PARD3B: variants seen among roughly 807,000 people sequenced by gnomAD.
PARD3B encodes partitioning defective 3 homolog B.
In PARD3B, 103 loss-of-function variants were observed where a neutral mutation model predicts 130.2. The ratio of observed to expected loss-of-function variants is 0.79; its 90% confidence interval spans 0.67 to 0.93. The LOEUF (loss-of-function observed/expected upper bound fraction) is 0.93, where lower values mean the gene tolerates loss of function less well. PARD3B is among the 40% of genes least tolerant of loss of function. The pLI is 0.00. For synonymous variants in PARD3B, 583 were observed against 553.2 expected, an observed-to-expected ratio of 1.05 and a Z score of -0.76; for missense variants, 1,609 against 1,499.2, an observed-to-expected ratio of 1.07 and a Z score of -1.21.
At chr2:205,552,359 C>CTTGT (rs1240963842) in intron 21 of PARD3B, among the ~76,000 whole-genome samples, 1 of 152,010 alleles carries the variant, frequency 6.6e-6, no homozygotes, top group East Asian at 1.9e-4. Context: ...GTCAGCAACC[C>CTTGT]TTGTTAGTAA....
intron 2 of PARD3B, among the ~76,000 whole-genome samples, chr2:204,795,300 A>G (rs2042331803): frequency 1.3e-5 from 2 of 152,308 alleles, no homozygotes; most frequent in South Asian, 4.1e-4. Context: ...TAGTGATTGG[A>G]GACATTCCTT....
chr2:205,071,353 C>G (rs1415036963), intron 4 of PARD3B, among the ~76,000 whole-genome samples: 1 of 152,172 alleles, frequency 6.6e-6, no homozygotes, highest in African/African-American at 2.4e-5. Context: ...AGAGAATGGT[C>G]CTAGAAACCA....
At chr2:204,748,675 A>AGT (rs1446598762) in intron 2 of PARD3B, among the ~76,000 whole-genome samples, 1 of 152,104 alleles carries the variant, frequency 6.6e-6, no homozygotes, top group Non-Finnish European at 1.5e-5. Flanking sequence ...GTGGGTGTGG[A>AGT]GTAGGGTATG....
Position 205,440,472 on chromosome 2 carries a change from A to C in PARD3B, c.2844A>C (p.Glu948Asp), listed in dbSNP as rs376842250. ...IGSVYDMDDD[E>D]MDPNYARVNH... ...CAGTGTATGATATGGATGATGATGA[A>C]ATGGACCCCAATTATGCCAGAGTGA... Residue 948 changes from glutamate (E) to aspartate (D), a missense_variant, in exon 20 of 23, where the codon GAA becomes GAC. By Grantham distance (45) the Glu-to-Asp change is conservative. Transcript: ENST00000406610. The surrounding 1 kb of genome is among the most constrained non-coding windows in gnomAD (Gnocchi z 4.2). 1.1e-4 allele frequency: 174 copies of C among 1,614,092 alleles called. 1 individual carries two copies. In the Middle Eastern group the frequency reaches 1.5e-3, roughly 14 times the overall value.
intron 2 of PARD3B, among the ~76,000 whole-genome samples, chr2:204,748,531 G>T (rs2040336989): frequency 6.6e-6 from 1 of 152,014 alleles, no homozygotes; most frequent in African/African-American, 2.4e-5. Flanking sequence ...TATGTCTTTT[G>T]ACTAGACATG....
intron 2 of PARD3B, among the ~76,000 whole-genome samples, chr2:204,716,871 G>A (rs1184753321): frequency 6.6e-6 from 1 of 152,006 alleles, no homozygotes; most frequent in Non-Finnish European, 1.5e-5. Flanking sequence ...ATCTGCCTGC[G>A]TCGGCCTCCC....
intron 21 of PARD3B, among the ~76,000 whole-genome samples, chr2:205,512,758 A>G (rs568889701): frequency 6.6e-6 from 1 of 152,224 alleles, no homozygotes; most frequent in East Asian, 1.9e-4. Context: ...TCCTTTACAG[A>G]AACAGAAGGA....
intron 22 of PARD3B, among the ~76,000 whole-genome samples, chr2:205,612,365 C>G (rs1325904252): frequency 6.6e-6 from 1 of 152,198 alleles, no homozygotes; most frequent in Non-Finnish European, 1.5e-5. Flanking sequence ...TGGTCTCAAA[C>G]TCCTGACCTC....
At chr2:205,322,658 C>T (rs1263226194) in intron 18 of PARD3B, among the ~76,000 whole-genome samples, 2 of 151,974 alleles carry the variant, frequency 1.3e-5, no homozygotes, top group Admixed American at 6.6e-5. Context: ...AACAAACAAA[C>T]AAAAATATGA....
chr2:205,204,275 C>A (rs2037160047), intron 15 of PARD3B, among the ~76,000 whole-genome samples: 1 of 152,122 alleles, frequency 6.6e-6, no homozygotes, highest in South Asian at 2.1e-4. Context: ...CTGTTCATAT[C>A]CTTCACCCAC....
At chr2:204,621,616 T>C (rs2034306387) in intron 1 of PARD3B, among the ~76,000 whole-genome samples, 1 of 152,182 alleles carries the variant, frequency 6.6e-6, no homozygotes, top group South Asian at 2.1e-4. Context: ...AATAAAGCGG[T>C]ATATTTAACT....
intron 4 of PARD3B, among the ~76,000 whole-genome samples, chr2:205,051,136 G>A (rs1317281179): frequency 6.6e-6 from 1 of 152,062 alleles, no homozygotes; most frequent in Non-Finnish European, 1.5e-5. Flanking sequence ...GTGTGGCAAG[G>A]ACCTGGGACT....
At chr2:205,613,990 C>G (rs1019865100) in intron 22 of PARD3B, among the ~76,000 whole-genome samples, 2 of 152,134 alleles carry the variant, frequency 1.3e-5, no homozygotes, top group African/African-American at 4.8e-5. Context: ...GGGAGCTTTC[C>G]CTTAATTATT....
chr2:205,039,569 A>G (rs1294490762), intron 3 of PARD3B, among the ~76,000 whole-genome samples: 3 of 151,990 alleles, frequency 2.0e-5, no homozygotes, highest in Non-Finnish European at 2.9e-5. Context: ...TCCCGGATTC[A>G]GGTAATTTTC....
chr2:205,330,658 T>C (rs1559668947), intron 18 of PARD3B, among the ~76,000 whole-genome samples: 1 of 151,930 alleles, frequency 6.6e-6, no homozygotes, highest in Admixed American at 6.5e-5. Flanking sequence ...GAGTATGATT[T>C]CAATTTATGA....
intron 21 of PARD3B, among the ~76,000 whole-genome samples, chr2:205,523,921 A>ACTT (rs1035985544): frequency 1.3e-5 from 2 of 150,806 alleles, no homozygotes; most frequent in Non-Finnish European, 2.9e-5. Context: ...AAATCTAAAT[A>ACTT]CTTCTTATAA....
intron 22 of PARD3B, among the ~76,000 whole-genome samples, chr2:205,587,065 C>T (rs537363538): frequency 6.6e-5 from 10 of 152,106 alleles, no homozygotes; most frequent in East Asian, 1.9e-4. Context: ...TTCACATTGG[C>T]GTGTGTTAAG....
intron 21 of PARD3B, among the ~76,000 whole-genome samples, chr2:205,518,677 T>C (rs1215271265): frequency 1.3e-5 from 2 of 152,208 alleles, no homozygotes; most frequent in Non-Finnish European, 2.9e-5. Flanking sequence ...ATAGTGACAC[T>C]GGTCTGTATG....
At chr2:205,001,906 A>C (rs1694867348) in intron 3 of PARD3B, among the ~76,000 whole-genome samples, 1 of 152,220 alleles carries the variant, frequency 6.6e-6, no homozygotes, top group African/African-American at 2.4e-5. Context: ...GTCACCTAAT[A>C]TATCTCATAC....
Sources: gnomAD v4.1 joint callset for allele counts (sites outside exome capture counted in the v4.1 genomes callset) on GRCh38, gnomAD v4.1.1 for gene constraint, Gnocchi (gnomAD v3.1) non-coding constraint, MANE v1.5 for transcripts, NCBI Gene and HGNC (gene_info 2026-07-23, HGNC 2026-07-21) for gene names.